Variants in RAB7A observed in about 807,000 individuals in gnomAD.
RAB7A encodes ras-related protein Rab-7a.
RAB7A carries 2 observed loss-of-function variants against 24.5 expected under a neutral mutation model. The observed-to-expected ratio is 0.08, with a 90% CI of 0.03 to 0.26. The LOEUF (loss-of-function observed/expected upper bound fraction) is 0.26. RAB7A is among the 10% of genes least tolerant of loss of function. The pLI is 1.00. For missense variants in RAB7A, 118 were observed against 255.7 expected (o/e 0.46, Z 3.67); for synonymous variants, 100 against 95.9 (o/e 1.04, Z -0.25).
At chr3:128,752,837 T>G (rs538064131) in intron 1 of RAB7A, among the ~76,000 whole-genome samples, 1 of 152,246 alleles carries the variant, frequency 6.6e-6, no homozygotes, top group East Asian at 1.9e-4. Flanking sequence ...CAGCCTTTTT[T>G]ATTTCCAGGT....
chr3:128,790,084 C>T (rs138382650), intron 1 of RAB7A, among the ~76,000 whole-genome samples: 190 of 152,318 alleles, frequency 1.2e-3, no homozygotes, highest in Non-Finnish European at 2.3e-3. Context: ...TGAGCCACCA[C>T]GCCTGGCCCC....
At chr3:128,726,582 C>T (rs2070380872) in intron 1 of RAB7A, among the ~76,000 whole-genome samples, 1 of 152,138 alleles carries the variant, frequency 6.6e-6, no homozygotes, top group Admixed American at 6.5e-5. Flanking sequence ...CCGGGTTGCC[C>T]GCCCCGGCCA....
At chr3:128,728,108 A>C (rs535945109) in intron 1 of RAB7A, among the ~76,000 whole-genome samples, 1 of 152,360 alleles carries the variant, frequency 6.6e-6, no homozygotes, top group East Asian at 1.9e-4. Flanking sequence ...TCAGCAATGT[A>C]TCAGGCATTG....
intron 1 of RAB7A, among the ~76,000 whole-genome samples, chr3:128,783,749 A>T (rs1933272016): frequency 6.6e-6 from 1 of 152,160 alleles, no homozygotes; most frequent in Non-Finnish European, 1.5e-5. Context: ...TTCTCATTCC[A>T]GTCATTTAAC....
chr3:128,746,837 A>G (rs1166538726), intron 1 of RAB7A, among the ~76,000 whole-genome samples: 1 of 151,530 alleles, frequency 6.6e-6, no homozygotes, highest in African/African-American at 2.4e-5. Context: ...CCGGGGTTCA[A>G]CTTTTTAAGA....
At chr3:128,732,300 G>A (rs6773796) in intron 1 of RAB7A, among the ~76,000 whole-genome samples, 48,972 of 151,424 alleles carry the variant, frequency 0.32, 10,526 homozygotes, top group African/African-American at 0.61. Context: ...GGCCTCCCAA[G>A]GTGCTGGGAT....
chr3:128,806,121 T>C (rs113356848), intron 3 of RAB7A, among the ~76,000 whole-genome samples: 6 of 152,360 alleles, frequency 3.9e-5, no homozygotes, highest in African/African-American at 7.2e-5. Flanking sequence ...GATCAAGATA[T>C]AAGAAATTTC....
chr3:128,771,959 A>G (rs773374458), intron 1 of RAB7A, among the ~76,000 whole-genome samples: 1 of 152,208 alleles, frequency 6.6e-6, no homozygotes, highest in Non-Finnish European at 1.5e-5. Flanking sequence ...TGATCCAAAT[A>G]CCCTCAAAAC....
At chr3:128,773,534 G>T (rs536940486) in intron 1 of RAB7A, among the ~76,000 whole-genome samples, 1 of 150,938 alleles carries the variant, frequency 6.6e-6, no homozygotes, top group Non-Finnish European at 1.5e-5. Flanking sequence ...CTGCCCGGCC[G>T]CCCCTTCTGG....
chr3:128,767,112 G>A (rs1245148857), intron 1 of RAB7A, among the ~76,000 whole-genome samples: 1 of 152,080 alleles, frequency 6.6e-6, no homozygotes, highest in Non-Finnish European at 1.5e-5. Context: ...ACCCTGCTGC[G>A]CGTTGGCATT....
chr3:128,811,941 A>G (rs1341671680), intron 5 of RAB7A, among the ~76,000 whole-genome samples: 1 of 152,188 alleles, frequency 6.6e-6, no homozygotes, highest in East Asian at 1.9e-4. Flanking sequence ...TGTCCAGAAT[A>G]ATAGGCAACT....
chr3:128,771,848 T>C (rs1932945279), intron 1 of RAB7A, among the ~76,000 whole-genome samples: 1 of 152,164 alleles, frequency 6.6e-6, no homozygotes, highest in South Asian at 2.1e-4. Flanking sequence ...CTGGAAGCCA[T>C]TGCATTCTGA....
At chr3:128,733,352 CTT>C (rs1195117304) in intron 1 of RAB7A, among the ~76,000 whole-genome samples, 5 of 152,084 alleles carry the variant, frequency 3.3e-5, no homozygotes, top group African/African-American at 9.7e-5. Flanking sequence ...GTTTGTGAGA[CTT>C]TGTGTTGTTG....
At chr3:128,780,634 C>G (rs1933198002) in intron 1 of RAB7A, among the ~76,000 whole-genome samples, 1 of 152,168 alleles carries the variant, frequency 6.6e-6, no homozygotes, top group Non-Finnish European at 1.5e-5. Context: ...TGTTTACCCC[C>G]TAGCTCATGG....
intron 3 of RAB7A, among the ~76,000 whole-genome samples, chr3:128,803,088 G>T (rs1454479346): frequency 6.6e-6 from 1 of 152,184 alleles, no homozygotes; most frequent in Non-Finnish European, 1.5e-5. Context: ...GGGATTACAG[G>T]CATGAGCCAC....
At chr3:128,741,802 A>G (rs960064189) in intron 1 of RAB7A, among the ~76,000 whole-genome samples, 2 of 152,152 alleles carry the variant, frequency 1.3e-5, no homozygotes, top group Non-Finnish European at 2.9e-5. Context: ...GCATACATAT[A>G]CATACACACA....
At chr3:128,813,208 G>C (rs968336902) in intron 5 of RAB7A, 119 bp from the exon 6 acceptor site, 23 of 944,256 alleles carry the variant, frequency 2.4e-5, no homozygotes, top group East Asian at 1.4e-4. Context: ...CTGCTTCACA[G>C]CTCCCCGCCC....
chr3:128,789,948 G>A (rs1047101524), intron 1 of RAB7A, among the ~76,000 whole-genome samples: 3 of 151,984 alleles, frequency 2.0e-5, no homozygotes, highest in African/African-American at 4.8e-5. Context: ...GTGCCACCAC[G>A]CGCAGCTTAA....
chr3:128,746,439 C>T (rs1194893178), intron 1 of RAB7A, among the ~76,000 whole-genome samples: 2 of 152,062 alleles, frequency 1.3e-5, no homozygotes, highest in Admixed American at 1.3e-4. Flanking sequence ...CACCTGTTTA[C>T]TTTTATTTTT....
Sources: gnomAD v4.1 joint callset for allele counts (sites outside exome capture counted in the v4.1 genomes callset) on GRCh38, gnomAD v4.1.1 for gene constraint, MANE v1.5 for transcripts, NCBI Gene and HGNC (gene_info 2026-07-23, HGNC 2026-07-21) for gene names.